The following MYO1F variants were observed in gnomAD, a reference collection of about 807,000 sequenced individuals.
MYO1F encodes the protein unconventional myosin-If.
Under a neutral mutation model 146.6 loss-of-function variants are expected in MYO1F, and 60 were observed. The observed-to-expected ratio is 0.41, with a 90% CI of 0.33 to 0.51. The LOEUF (loss-of-function observed/expected upper bound fraction) is 0.51, where lower values mean the gene tolerates loss of function less well. MYO1F is among the 20% of genes least tolerant of loss of function. The pLI is 0.25. For synonymous variants in MYO1F, 602 were observed against 602.1 expected (o/e 1.00, Z 0.00); for missense variants, 1,274 against 1,534.3 (o/e 0.83, Z 2.83).
chr19:8,571,190 G>A (rs1277136941), intron 1 of MYO1F, among the ~76,000 whole-genome samples: 1 of 152,188 alleles, frequency 6.6e-6, no homozygotes, highest in Non-Finnish European at 1.5e-5. Flanking sequence ...AGCTGTGGTT[G>A]CCGGGAGGAG....
intron 17 of MYO1F, 118 bp from the exon 18 acceptor site, chr19:8,536,715 TG>T: frequency 4.5e-6 from 1 of 222,012 alleles, no homozygotes; most frequent in Non-Finnish European, 8.3e-6. Flanking sequence ...GAGGGAAGTT[TG>T]GGGGGTGAGT....
chr19:8,547,990 C>T (rs749854928), intron 12 of MYO1F, 46 bp downstream of exon 12: 2 of 1,112,492 alleles, frequency 1.8e-6, no homozygotes, highest in African/African-American at 3.1e-5. Flanking sequence ...CCTTCCACCC[C>T]ACCCCCACCC....
chr19:8,557,792 C>A (rs62119400), intron 1 of MYO1F, among the ~76,000 whole-genome samples: 13 of 152,154 alleles, frequency 8.5e-5, no homozygotes, highest in Non-Finnish European at 1.8e-4. Context: ...TTCCTGCCAG[C>A]CTCCCAGCCT....
At chr19:8,524,956 C>G (rs371384589) in intron 25 of MYO1F, among the ~76,000 whole-genome samples, 8 of 151,906 alleles carry the variant, frequency 5.3e-5, no homozygotes, top group African/African-American at 1.7e-4. Flanking sequence ...CCAGCACTTT[C>G]GGAGGCCGAG....
At position 8,521,946 on chromosome 19, in the gene MYO1F, C is replaced by T. The variant is rs949920849; in HGVS notation, c.3221-342G>A. On this transcript the variant is annotated intron_variant, in intron 27 of 27. Transcript: ENST00000644032. ...CTGGGATTACAGGTATGAGCCACCT[C>T]GCCCATCTGTTATCTCTGTTCTCCC... is the stretch of plus-strand genomic sequence containing the variant. Among the ~76,000 whole-genome samples, 4 of 152,116 alleles carry T rather than the reference C, an allele frequency of 2.6e-5. No individual in the cohort carries two copies. The East Asian group carries it at 7.7e-4, about 29-fold the overall frequency.
At chr19:8,558,606 C>G (rs902488668) in intron 1 of MYO1F, among the ~76,000 whole-genome samples, 1 of 152,114 alleles carries the variant, frequency 6.6e-6, no homozygotes, top group African/African-American at 2.4e-5. Flanking sequence ...CTGGCTTTCT[C>G]AGGCTCACTC....
At chr19:8,532,154 T>G (rs1433746757) in intron 19 of MYO1F, among the ~76,000 whole-genome samples, 1 of 147,928 alleles carries the variant, frequency 6.8e-6, no homozygotes, top group Non-Finnish European at 1.5e-5. Flanking sequence ...AAACTCCATC[T>G]CAAAAAAAAA....
chr19:8,544,350 CGTGG>C lies in MYO1F; in HGVS notation c.1467_1470del (p.His490SerfsTer39). ...CCGGCGCTCCAGCTGTTGAAATGCT[CGTGG>C]GTCCCCACAGCCGCCTGCAGCTTCT... On this transcript the variant is annotated frameshift_variant, in exon 14 of 28. Coordinates refer to ENST00000644032, the MANE Select transcript of MYO1F (RefSeq NM_012335.4). LOFTEE classifies it high-confidence loss of function. 1 of 1,613,096 alleles carries C rather than the reference CGTGG, an allele frequency of 6.2e-7. No homozygotes were observed. Among genetic ancestry groups the C allele is most frequent in the East Asian group, 2.2e-5 (1 of 44,852 alleles).
At chr19:8,551,977 GT>G (rs1419185592) in intron 7 of MYO1F, 55 bp downstream of exon 7, 1 of 1,613,406 alleles carries the variant, frequency 6.2e-7, no homozygotes, top group Non-Finnish European at 8.5e-7. Flanking sequence ...CCTTCCCATT[GT>G]CCACCCCGCT....
intron 14 of MYO1F, among the ~76,000 whole-genome samples, chr19:8,542,341 G>A (rs1305659374): frequency 7.4e-6 from 1 of 136,018 alleles, no homozygotes; most frequent in African/African-American, 2.7e-5. Context: ...TTGGTGGGTG[G>A]GGGGCTGCAG....
Position 8,526,549 on chromosome 19 carries a change from C to G in MYO1F, c.2674G>C (p.Val892Leu), listed in dbSNP as rs772716760. ...TCGCCGAAGCCGCGGGAGAAGGTGA[C>G]GCTGCGGGTGCCGCCACCGCCCCAG... is the stretch of plus-strand genomic sequence containing the variant. The part of the protein sequence containing the change: ...EGWGGGGTRS[V>L]TFSRGFGDLA... Residue 892 changes from valine (V) to leucine (L), a missense_variant, in exon 24 of 28, where the codon GTC (valine) becomes CTC (leucine). Val to Leu is a conservative substitution (Grantham distance 32, BLOSUM62 1). Around this residue, in one of 2 missense-constraint regions of MYO1F, gnomAD observed 374 missense variants for 379.2 expected, o/e 0.99. Transcript: ENST00000644032. 1.3e-6 allele frequency: 2 copies of G among 1,596,090 alleles called. No individual in the cohort carries two copies. The highest frequency in any genetic ancestry group is 2.3e-5 in the East Asian group (1 of 44,234).
In MYO1F at chr19:8,526,813, G is replaced by A; in HGVS notation, c.2597C>T (p.Pro866Leu). The A allele has an allele frequency of 6.2e-7, 1 of 1,612,934 alleles. No homozygotes were observed. Among genetic ancestry groups the A allele is most frequent in the Non-Finnish European group, 8.5e-7 (1 of 1,179,640 alleles). The change falls in exon 23 of 28, where the codon CCC (proline) becomes CTC (leucine). Residue 866 changes from proline to leucine, a missense_variant. Transcript: ENST00000644032. The part of the protein sequence containing the change: ...CKRFEEATRR[P>L]LPLTFSDTLQ... ...CGTGTCGCTGAAGGTGAGGGGCAGG[G>A]GCCTCCGCGTCGCCTCCTCGAAGCG...
intron 1 of MYO1F, among the ~76,000 whole-genome samples, chr19:8,571,586 TTTTTTGTA>T (rs2042109730): frequency 6.6e-6 from 1 of 150,526 alleles, no homozygotes; most frequent in Non-Finnish European, 1.5e-5. Context: ...GGCTAATTTT[TTTTTTGTA>T]TTTTTGTATT....
intron 18 of MYO1F, 46 bp downstream of exon 18, chr19:8,536,453 G>A (rs1395655425): frequency 1.4e-5 from 22 of 1,608,046 alleles, no homozygotes; most frequent in Middle Eastern, 1.6e-4. Flanking sequence ...CTGGCTGGGC[G>A]TTCTGATGAA....
chr19:8,543,852 G>C (rs540327863), intron 14 of MYO1F, among the ~76,000 whole-genome samples: 1 of 49,604 alleles, frequency 2.0e-5, no homozygotes, highest in African/African-American at 9.9e-5. Context: ...GGTGGTGGTG[G>C]TGGTGCTGGT....
chr19:8,521,361 C>T lies in MYO1F; in HGVS notation c.*167G>A. On this transcript the variant is annotated 3_prime_UTR_variant, in exon 28 of 28. Transcript: ENST00000644032. Reference sequence around the variant, plus strand: ...CAGGGCCCAGGGGCGGGGGCTGCAGCAGTGACCTGGTGACCCAGGGCCTGG... The same window carrying T: ...CAGGGCCCAGGGGCGGGGGCTGCAGTAGTGACCTGGTGACCCAGGGCCTGG... 2.8e-6 allele frequency: 2 copies of T among 709,530 alleles called. No homozygotes were observed. Among genetic ancestry groups the T allele is most frequent in the South Asian group, 1.5e-5 (1 of 65,410 alleles). 44.0% of individuals were successfully genotyped at this position (709,530 alleles called of 1,614,324 possible). A position where few individuals can be genotyped will look rare whatever the true frequency, so the allele number is the denominator to read the frequency against.
chr19:8,537,139 C>G, intron 16 of MYO1F, 84 bp from the exon 17 acceptor site: 1 of 899,228 alleles, frequency 1.1e-6, no homozygotes, highest in Non-Finnish European at 1.8e-6. Context: ...GGATACAGTC[C>G]CAATAGACAG....
chr19:8,565,866 A>C (rs2041993156), intron 1 of MYO1F, among the ~76,000 whole-genome samples: 1 of 151,944 alleles, frequency 6.6e-6, no homozygotes, highest in Non-Finnish European at 1.5e-5. Flanking sequence ...AGGTGGAAGG[A>C]TCACTTGAGG....
chr19:8,574,177 C>T (rs2042161080), intron 1 of MYO1F, among the ~76,000 whole-genome samples: 1 of 152,144 alleles, frequency 6.6e-6, no homozygotes, highest in Non-Finnish European at 1.5e-5. Flanking sequence ...CCGCCACCAC[C>T]ACCAGCCCAC....
Sources: allele counts gnomAD v4.1 joint callset (sites outside exome capture counted in the v4.1 genomes callset), GRCh38; gene constraint gnomAD v4.1.1; regional missense constraint gnomAD v4.1.1; transcripts MANE v1.5; gene names NCBI Gene and HGNC (gene_info 2026-07-23, HGNC 2026-07-21).